The following FGF12 variants were observed in gnomAD, a reference collection of about 807,000 sequenced individuals.
FGF12 encodes the protein fibroblast growth factor 12B.
In FGF12, 14 loss-of-function variants were observed where a neutral mutation model predicts 23.6. The observed-to-expected ratio is 0.59, with a 90% CI of 0.39 to 0.93. FGF12 has a LOEUF of 0.93. Among genes scored for constraint, FGF12 ranks in the 40% least tolerant of loss-of-function variants. The pLI, the probability that FGF12 is intolerant of heterozygous loss-of-function variation, is 0.00. For synonymous variants in FGF12, 62 were observed against 77.3 expected (o/e 0.80, Z 1.04); for missense variants, 175 against 217.8 (o/e 0.80, Z 1.24).
intron 2 of FGF12, among the ~76,000 whole-genome samples, chr3:192,543,829 G>C (rs1220790460): frequency 6.6e-6 from 1 of 152,128 alleles, no homozygotes; most frequent in Non-Finnish European, 1.5e-5. Context: ...GTCTGGGATG[G>C]GGCCCTCAGG....
chr3:192,380,433 G>A (rs902628559), intron 2 of FGF12, among the ~76,000 whole-genome samples: 2 of 152,098 alleles, frequency 1.3e-5, no homozygotes, highest in African/African-American at 4.8e-5. Context: ...TTGCCTGAAT[G>A]AAAACATAAC....
intron 2 of FGF12, among the ~76,000 whole-genome samples, chr3:192,684,772 A>C (rs992972546): frequency 1.4e-4 from 21 of 152,074 alleles, no homozygotes; most frequent in Admixed American, 9.2e-4. Context: ...CTTTTTCTTT[A>C]TCCATTCAAT....
At chr3:192,234,842 TTTA>T (rs1719202728) in intron 4 of FGF12, among the ~76,000 whole-genome samples, 2 of 152,222 alleles carry the variant, frequency 1.3e-5, no homozygotes, top group Admixed American at 6.5e-5. Context: ...ATGAATCGCA[TTTA>T]TTGATATTCA....
At chr3:192,341,183 A>T (rs115983703) in intron 3 of FGF12, among the ~76,000 whole-genome samples, 2,629 of 152,268 alleles carry the variant, frequency 0.017, 69 homozygotes, top group African/African-American at 0.06. Context: ...AAGAACAACA[A>T]ACAAATGGCC....
At chr3:192,533,314 C>T (rs1169080536) in intron 2 of FGF12, among the ~76,000 whole-genome samples, 1 of 152,058 alleles carries the variant, frequency 6.6e-6, no homozygotes. Flanking sequence ...CAGCTGGGGC[C>T]GAGTGAGTTT....
rs559012171 is a variant in FGF12, at chr3:192,255,956, T to C, written c.228+79405A>G. ...GTTAAAACATCCCATTAATGAAATT[T>C]ATAGTGCTTTTTGACATCATTTCTG... On this transcript the variant is annotated intron_variant, in intron 4 of 5. Coordinates refer to ENST00000445105, the MANE Select transcript of FGF12 (RefSeq NM_004113.6). Among the ~76,000 whole-genome samples, 3 of 152,210 alleles carry C rather than the reference T, an allele frequency of 2.0e-5. No homozygotes were observed. The South Asian group carries it at 6.2e-4, about 32-fold the overall frequency.
In FGF12 at chr3:192,727,242, A is replaced by T. The variant is rs1719250129; in HGVS notation, c.-49T>A. 1.3e-6 allele frequency: 2 copies of T among 1,565,498 alleles called. No individual in the cohort carries two copies. The highest frequency in any genetic ancestry group is 1.7e-6 in the Non-Finnish European group (2 of 1,154,886). On this transcript the variant is annotated 5_prime_UTR_variant, in exon 2 of 6. Transcript: ENST00000445105. ...AAGTTCAATGGAAGTTGGCCGGAAGATGTGGGCCCGCTTCAGATTCCCAAA... is the reference window on the plus strand; with the variant it reads ...AAGTTCAATGGAAGTTGGCCGGAAGTTGTGGGCCCGCTTCAGATTCCCAAA...
intron 4 of FGF12, among the ~76,000 whole-genome samples, chr3:192,329,024 C>T (rs767271001): frequency 1.1e-4 from 17 of 152,048 alleles, no homozygotes; most frequent in Non-Finnish European, 1.6e-4. Context: ...AAATTTGTTC[C>T]GTCTATACTT....
Position 192,539,303 on chromosome 3 carries a change from T to G in FGF12, c.14-178765A>C, listed in dbSNP as rs181310069. Among the ~76,000 whole-genome samples the G allele has an allele frequency of 3.3e-3, 497 of 152,296 alleles. 4 individuals carry two copies. Among genetic ancestry groups the G allele is most frequent in the African/African-American group, 0.011 (475 of 41,580 alleles). On this transcript the variant is annotated intron_variant, in intron 2 of 5. Coordinates refer to ENST00000445105, the MANE Select transcript of FGF12 (RefSeq NM_004113.6). The stretch of plus-strand genomic sequence containing the variant: ...TCATATATGGGTTTTATTGTGTTGA[T>G]GTATGTTTCTTCTATACCCAGATTT...
chr3:192,433,302 T>A (rs1197692234), intron 2 of FGF12, among the ~76,000 whole-genome samples: 1 of 152,190 alleles, frequency 6.6e-6, no homozygotes. Flanking sequence ...TTCTTTCACC[T>A]CCTACAAATA....
At chr3:192,583,296 A>C (rs934523885) in intron 2 of FGF12, among the ~76,000 whole-genome samples, 3 of 152,200 alleles carry the variant, frequency 2.0e-5, no homozygotes, top group Non-Finnish European at 4.4e-5. Context: ...ATAGGATATC[A>C]GATGAGCGAT....
chr3:192,607,484 C>T (rs1017872510), intron 2 of FGF12, among the ~76,000 whole-genome samples: 11 of 152,106 alleles, frequency 7.2e-5, no homozygotes, highest in African/African-American at 2.7e-4. Context: ...TTAACTAGAG[C>T]TTTAGTTTCT....
rs1326839487 is a variant in FGF12 at position 192,608,137 on chromosome 3, C to T, written c.13+119044G>A. On this transcript the variant is annotated intron_variant, in intron 2 of 5. Coordinates refer to ENST00000445105, the MANE Select transcript of FGF12 (RefSeq NM_004113.6). ...GAGATAGAAGGTAGAATGATGGTTACCAGAGTTGGGAAGGGTGGTGGGGGC... is the reference window on the plus strand; with the variant it reads ...GAGATAGAAGGTAGAATGATGGTTATCAGAGTTGGGAAGGGTGGTGGGGGC... 3.3e-5 allele frequency among the ~76,000 whole-genome samples: 5 copies of T among 151,892 alleles called. No individual in the cohort carries two copies. The East Asian group carries it at 7.7e-4, about 23-fold the overall frequency.
intron 2 of FGF12, among the ~76,000 whole-genome samples, chr3:192,586,876 T>C (rs73887637): frequency 0.11 from 16,199 of 152,222 alleles, 877 homozygotes; most frequent in African/African-American, 0.12. Context: ...AAATTCTTTC[T>C]ATTAAACTGC....
intron 2 of FGF12, among the ~76,000 whole-genome samples, chr3:192,605,451 A>T (rs1398932710): frequency 6.6e-6 from 1 of 152,100 alleles, no homozygotes; most frequent in African/African-American, 2.4e-5. Flanking sequence ...GCCTTGGGAA[A>T]GAATCTATTA....
At chr3:192,177,571 T>C (rs566434971) in intron 4 of FGF12, among the ~76,000 whole-genome samples, 1 of 152,334 alleles carries the variant, frequency 6.6e-6, no homozygotes, top group Non-Finnish European at 1.5e-5. Context: ...TCATCTTCAC[T>C]CTGCTCTTTG....
intron 2 of FGF12, among the ~76,000 whole-genome samples, chr3:192,523,519 G>A (rs1724871950): frequency 6.6e-6 from 1 of 152,146 alleles, no homozygotes; most frequent in Admixed American, 6.5e-5. Flanking sequence ...ACAATCTTGA[G>A]TATTAAAGAC....
chr3:192,639,015 C>T (rs1302514232), intron 2 of FGF12, among the ~76,000 whole-genome samples: 2 of 152,168 alleles, frequency 1.3e-5, no homozygotes, highest in Non-Finnish European at 2.9e-5. Context: ...AAATGGAAAC[C>T]TATGAATTGG....
At chr3:192,350,643 T>C (rs1718176882) in intron 3 of FGF12, among the ~76,000 whole-genome samples, 1 of 152,172 alleles carries the variant, frequency 6.6e-6, no homozygotes, top group African/African-American at 2.4e-5. Context: ...TCCCAATGCC[T>C]TCAGGCAAGA....
Sources: gnomAD v4.1 joint callset for allele counts (sites outside exome capture counted in the v4.1 genomes callset) on GRCh38, gnomAD v4.1.1 for gene constraint, MANE v1.5 for transcripts, NCBI Gene and HGNC (gene_info 2026-07-23, HGNC 2026-07-21) for gene names.